The following RBFOX1 variants were observed in gnomAD, a reference collection of about 807,000 sequenced individuals.
The protein encoded by RBFOX1 is RNA binding protein fox-1 homolog 1.
A neutral mutation model predicts 57.7 loss-of-function variants in RBFOX1; 8 were observed. The ratio of observed to expected loss-of-function variants is 0.14; its 90% CI spans 0.08 to 0.25. RBFOX1 has a LOEUF of 0.25. Ranked by LOEUF, RBFOX1 falls within the 10% of genes least tolerant of loss-of-function variation. RBFOX1 has a pLI of 1.00. For synonymous variants in RBFOX1, 326 were observed against 222.4 expected, an observed-to-expected ratio of 1.47 and a Z score of -4.15; for missense variants, 611 against 548.5, an observed-to-expected ratio of 1.11 and a Z score of -1.14.
chr16:7,218,260 C>G (rs958981537), intron 4 of RBFOX1, among the ~76,000 whole-genome samples: 6 of 152,190 alleles, frequency 3.9e-5, no homozygotes, highest in African/African-American at 1.4e-4. Flanking sequence ...AATCACTATT[C>G]TCTACCTCTC....
chr16:6,070,430 T>C (rs551375474), intron 1 of RBFOX1, among the ~76,000 whole-genome samples: 5 of 152,196 alleles, frequency 3.3e-5, no homozygotes, highest in African/African-American at 9.6e-5. Flanking sequence ...TTCATCAAAT[T>C]TGGGTATTTA....
chr16:5,649,929 C>T (rs533492968), intron 3 of RBFOX1, among the ~76,000 whole-genome samples: 6 of 152,246 alleles, frequency 3.9e-5, no homozygotes, highest in East Asian at 1.9e-4. Context: ...AGGTAGCACT[C>T]GAGTTCGCAA....
At chr16:5,248,577 G>C (rs1323705690) in intron 1 of RBFOX1, among the ~76,000 whole-genome samples, 3 of 152,198 alleles carry the variant, frequency 2.0e-5, no homozygotes, top group Non-Finnish European at 4.4e-5. Flanking sequence ...TCAGAGCCCC[G>C]GGGCAGGAGC....
chr16:5,411,558 G>A (rs1222552616), intron 1 of RBFOX1, among the ~76,000 whole-genome samples: 1 of 152,210 alleles, frequency 6.6e-6, no homozygotes, highest in Non-Finnish European at 1.5e-5. Flanking sequence ...GCAAACGTGT[G>A]TTGTTTGAAG....
intron 4 of RBFOX1, among the ~76,000 whole-genome samples, chr16:7,300,092 C>T (rs2095995621): frequency 6.6e-6 from 1 of 152,108 alleles, no homozygotes; most frequent in Non-Finnish European, 1.5e-5. Flanking sequence ...ATTTCACTGC[C>T]GTCTCCCTTA....
intron 1 of RBFOX1, among the ~76,000 whole-genome samples, chr16:5,451,703 G>T (rs971385126): frequency 1.3e-5 from 2 of 152,232 alleles, no homozygotes; most frequent in African/African-American, 2.4e-5. Flanking sequence ...TGGTTTTAAT[G>T]ATAGGCAGTG....
At chr16:6,060,122 GTTTTTTTTTT>G (rs199690584) in intron 1 of RBFOX1, among the ~76,000 whole-genome samples, 5,585 of 113,014 alleles carry the variant, frequency 0.049, 150 homozygotes, top group African/African-American at 0.06. Flanking sequence ...TAGGATTAGG[GTTTTTTTTTT>G]TTTTTTTTTT....
chr16:5,491,464 C>G (rs2042826078), intron 2 of RBFOX1, among the ~76,000 whole-genome samples: 1 of 152,184 alleles, frequency 6.6e-6, no homozygotes, highest in Non-Finnish European at 1.5e-5. Context: ...GTGTCATGTA[C>G]TAGAATTTTA....
intron 2 of RBFOX1, among the ~76,000 whole-genome samples, chr16:6,452,322 G>C (rs2094649494): frequency 6.7e-6 from 1 of 150,182 alleles, no homozygotes; most frequent in African/African-American, 2.5e-5. Flanking sequence ...CTCTATCCAT[G>C]GTCCCTTCCT....
At chr16:7,227,245 A>C (rs561310416) in intron 4 of RBFOX1, among the ~76,000 whole-genome samples, 1 of 149,874 alleles carries the variant, frequency 6.7e-6, no homozygotes, top group South Asian at 2.1e-4. Context: ...CTATCTGTAT[A>C]TCTCTCTCTG....
At chr16:5,929,654 A>T (rs187293517) in intron 4 of RBFOX1, among the ~76,000 whole-genome samples, 92 of 152,338 alleles carry the variant, frequency 6.0e-4, no homozygotes, top group African/African-American at 2.1e-3. Flanking sequence ...CATAGTGTTT[A>T]AGAATGTAGA....
chr16:6,767,906 C>T (rs1390721601), intron 3 of RBFOX1, among the ~76,000 whole-genome samples: 1 of 126,382 alleles, frequency 7.9e-6, no homozygotes, highest in Non-Finnish European at 1.7e-5. Flanking sequence ...AGAGTAAGGA[C>T]TCTATCTCAA....
At chr16:6,094,455 C>T (rs1173075207) in intron 1 of RBFOX1, among the ~76,000 whole-genome samples, 2 of 152,176 alleles carry the variant, frequency 1.3e-5, no homozygotes, top group Non-Finnish European at 2.9e-5. Context: ...ATTAATCACT[C>T]TCTAAAGTCA....
intron 4 of RBFOX1, among the ~76,000 whole-genome samples, chr16:7,161,922 A>G (rs1004076602): frequency 6.6e-6 from 1 of 152,222 alleles, no homozygotes; most frequent in Non-Finnish European, 1.5e-5. Flanking sequence ...AACACACTCA[A>G]AGGTTTTGGG....
At chr16:5,319,866 C>T (rs1482495643) in intron 1 of RBFOX1, among the ~76,000 whole-genome samples, 1 of 152,122 alleles carries the variant, frequency 6.6e-6, no homozygotes, top group African/African-American at 2.4e-5. Flanking sequence ...CCTGGTGTTC[C>T]CTCCTAGACT....
intron 3 of RBFOX1, among the ~76,000 whole-genome samples, chr16:6,678,539 C>A (rs1280646948): frequency 6.6e-6 from 1 of 151,268 alleles, no homozygotes; most frequent in African/African-American, 2.4e-5. Context: ...GAGAGTGAAA[C>A]CAAAGATTTG....
chr16:7,661,547 C>G (rs1452905204), intron 12 of RBFOX1, among the ~76,000 whole-genome samples: 1 of 152,210 alleles, frequency 6.6e-6, no homozygotes, highest in African/African-American at 2.4e-5. Context: ...TCCTTCCGTT[C>G]CACATTCAGG....
At chr16:7,555,672 C>T (rs971560760) in intron 5 of RBFOX1, among the ~76,000 whole-genome samples, 1 of 152,162 alleles carries the variant, frequency 6.6e-6, no homozygotes, top group Admixed American at 6.5e-5. Flanking sequence ...CACGCTTCAT[C>T]ACTTTCTCAC....
chr16:6,562,593 G>C (rs2097192731), intron 2 of RBFOX1, among the ~76,000 whole-genome samples: 1 of 152,156 alleles, frequency 6.6e-6, no homozygotes, highest in South Asian at 2.1e-4. Flanking sequence ...GGTTATAAGT[G>C]GTTGTGCAAG....
Sources: allele counts gnomAD v4.1 joint callset (sites outside exome capture counted in the v4.1 genomes callset), GRCh38; gene constraint gnomAD v4.1.1; transcripts MANE v1.5; gene names NCBI Gene and HGNC (gene_info 2026-07-23, HGNC 2026-07-21).